Variants in SPATA17 observed in about 807,000 individuals in gnomAD.
SPATA17 encodes the protein spermatogenesis associated 17.
A neutral mutation model predicts 62.2 loss-of-function variants in SPATA17; 53 were observed. That is an observed-to-expected ratio of 0.85 (90% confidence interval 0.68 to 1.07). The LOEUF is 1.07. Ranked by LOEUF, SPATA17 falls within the 50% of genes least tolerant of loss-of-function variation. The pLI is 0.00. For missense variants in SPATA17, 466 were observed against 425.5 expected (o/e 1.10, Z -0.84); for synonymous variants, 146 against 146.8 (o/e 0.99, Z 0.04).
At chr1:217,662,347 C>G (rs57355210) in intron 3 of SPATA17, among the ~76,000 whole-genome samples, 1 of 151,904 alleles carries the variant, frequency 6.6e-6, no homozygotes, top group African/African-American at 2.4e-5. Context: ...TTGAGATCAT[C>G]TAGTGAATAA....
At chr1:217,688,799 A>C (rs1671284216) in intron 5 of SPATA17, among the ~76,000 whole-genome samples, 1 of 152,132 alleles carries the variant, frequency 6.6e-6, no homozygotes, top group African/African-American at 2.4e-5. Context: ...ATAATTACTT[A>C]TGTGTTTGTC....
chr1:217,816,846 C>T (rs546021537), intron 9 of SPATA17, among the ~76,000 whole-genome samples: 32 of 152,104 alleles, frequency 2.1e-4, no homozygotes, highest in Non-Finnish European at 4.1e-4. Context: ...GTATTCCTGG[C>T]ATAAACTCTC....
chr1:217,687,179 C>G (rs190248769), intron 5 of SPATA17, among the ~76,000 whole-genome samples: 1 of 152,178 alleles, frequency 6.6e-6, no homozygotes, highest in African/African-American at 2.4e-5. Flanking sequence ...GTAATTAAAA[C>G]ATTTAGTCTA....
chr1:217,696,758 C>G (rs1455419805), intron 5 of SPATA17, among the ~76,000 whole-genome samples: 1 of 152,116 alleles, frequency 6.6e-6, no homozygotes. Context: ...TATACCAACC[C>G]TAAAGGCATA....
intron 3 of SPATA17, among the ~76,000 whole-genome samples, chr1:217,661,046 A>G (rs1473080300): frequency 1.3e-5 from 2 of 152,058 alleles, no homozygotes; most frequent in African/African-American, 2.4e-5. Flanking sequence ...GAACTCAACA[A>G]ATATTTGTTA....
chr1:217,816,532 A>C (rs1428162936), intron 9 of SPATA17, among the ~76,000 whole-genome samples: 2 of 151,784 alleles, frequency 1.3e-5, no homozygotes, highest in African/African-American at 2.4e-5. Context: ...GGTCATATTA[A>C]CTAACACATA....
intron 9 of SPATA17, among the ~76,000 whole-genome samples, chr1:217,841,130 T>C (rs1205696021): frequency 6.6e-6 from 1 of 152,026 alleles, no homozygotes; most frequent in East Asian, 1.9e-4. Flanking sequence ...AACCATGATA[T>C]TTACCATGAA....
chr1:217,772,150 A>T (rs1673464605), intron 6 of SPATA17, among the ~76,000 whole-genome samples: 1 of 152,130 alleles, frequency 6.6e-6, no homozygotes, highest in South Asian at 2.1e-4. Flanking sequence ...ATAAATTCTA[A>T]TCTTAGAAAA....
rs541767370 is a variant in SPATA17 at position 217,738,703 on chromosome 1, A to T, written c.396-3272A>T. Among the ~76,000 whole-genome samples the T allele has an allele frequency of 7.9e-5, 12 of 152,322 alleles. No homozygotes were observed. In the East Asian group the frequency reaches 2.3e-3, roughly 29 times the overall value. On this transcript the variant is annotated intron_variant, in intron 5 of 10. Coordinates refer to ENST00000366933, the MANE Select transcript of SPATA17 (RefSeq NM_138796.4). ...GCGATGGCTCACGCCTGCAATCCCA[A>T]CACTTGGGGAAGCCAAGGCTGGTGG...
chr1:217,760,073 A>G (rs1336621727), intron 6 of SPATA17, among the ~76,000 whole-genome samples: 4 of 152,244 alleles, frequency 2.6e-5, no homozygotes, highest in Admixed American at 1.3e-4. Flanking sequence ...TCCAGAGAGT[A>G]GAGCTTTTGC....
chr1:217,852,182 A>G (rs1438817820), intron 9 of SPATA17, among the ~76,000 whole-genome samples: 2 of 152,184 alleles, frequency 1.3e-5, no homozygotes, highest in African/African-American at 2.4e-5. Context: ...AGTTATTGCC[A>G]TCTTTAAAAA....
At position 217,855,032 on chromosome 1, in the gene SPATA17, T is replaced by C. The variant is rs191202403; in HGVS notation, c.1006-7742T>C. ...CCCCTTCTTGAGCATTTTCTTGCAG[T>C]ACCTCATTATTTGGATGCATTCAGT... On this transcript the variant is annotated intron_variant, in intron 9 of 10. Coordinates refer to ENST00000366933, the MANE Select transcript of SPATA17 (RefSeq NM_138796.4). Among the ~76,000 whole-genome samples the C allele has an allele frequency of 2.6e-5, 4 of 152,226 alleles. No homozygotes were observed. The South Asian group carries it at 6.2e-4, about 24-fold the overall frequency.
intron 9 of SPATA17, among the ~76,000 whole-genome samples, chr1:217,806,981 A>G (rs1353946920): frequency 1.3e-5 from 2 of 152,186 alleles, no homozygotes; most frequent in African/African-American, 2.4e-5. Context: ...ATACTTGTAT[A>G]CAAACATACA....
chr1:217,688,595 A>AT (rs1343214110), intron 5 of SPATA17, among the ~76,000 whole-genome samples: 1 of 152,112 alleles, frequency 6.6e-6, no homozygotes, highest in Admixed American at 6.6e-5. Flanking sequence ...TGTCTTATCA[A>AT]TTTTAGAAGC....
At chr1:217,800,205 A>G (rs1052210506) in intron 8 of SPATA17, among the ~76,000 whole-genome samples, 2 of 152,176 alleles carry the variant, frequency 1.3e-5, no homozygotes, top group African/African-American at 4.8e-5. Flanking sequence ...TAGAAACTCT[A>G]TGGGTGTAAA....
intron 9 of SPATA17, among the ~76,000 whole-genome samples, chr1:217,849,361 T>C (rs1001027669): frequency 2.0e-5 from 3 of 152,170 alleles, no homozygotes; most frequent in African/African-American, 7.2e-5. Context: ...TGACCAAATC[T>C]GTAGTCAAAG....
chr1:217,689,137 T>C (rs1037831445), intron 5 of SPATA17, among the ~76,000 whole-genome samples: 1 of 152,106 alleles, frequency 6.6e-6, no homozygotes, highest in African/African-American at 2.4e-5. Flanking sequence ...ACACGGTAGA[T>C]TCGAGCTAGC....
At chr1:217,745,306 C>T (rs1672722438) in intron 6 of SPATA17, among the ~76,000 whole-genome samples, 1 of 152,112 alleles carries the variant, frequency 6.6e-6, no homozygotes, top group Admixed American at 6.5e-5. Context: ...ACCCTTTGAA[C>T]CTATGGAGCC....
intron 3 of SPATA17, among the ~76,000 whole-genome samples, chr1:217,666,617 G>T (rs1037498591): frequency 6.6e-6 from 1 of 151,862 alleles, no homozygotes; most frequent in African/African-American, 2.4e-5. Context: ...TTATTCAGTA[G>T]CATTAAGTAT....
Sources: gnomAD v4.1 joint callset for allele counts (sites outside exome capture counted in the v4.1 genomes callset) on GRCh38, gnomAD v4.1.1 for gene constraint, MANE v1.5 for transcripts, NCBI Gene and HGNC (gene_info 2026-07-23, HGNC 2026-07-21) for gene names.